Variants in VOPP1 observed in about 807,000 individuals in gnomAD.
VOPP1 encodes VOPP1 WW domain binding protein.
A neutral mutation model predicts 23.5 loss-of-function variants in VOPP1; 8 were observed. That is an observed-to-expected ratio of 0.34 (90% confidence interval 0.20 to 0.61). VOPP1 has a LOEUF of 0.61. VOPP1 is among the 20% of genes least tolerant of loss of function. The pLI, the probability that VOPP1 is intolerant of heterozygous loss-of-function variation, is 0.78. For synonymous variants in VOPP1, 83 were observed against 97.3 expected (o/e 0.85, Z 0.86); for missense variants, 174 against 238.1 (o/e 0.73, Z 1.77).
At chr7:55,456,900 T>C (rs927006792) in intron 4 of VOPP1, among the ~76,000 whole-genome samples, 6 of 152,218 alleles carry the variant, frequency 3.9e-5, no homozygotes, top group African/African-American at 1.4e-4. Flanking sequence ...TATACCTATG[T>C]GACAAACCTG....
At chr7:55,508,905 G>A (rs767611532) in intron 2 of VOPP1, among the ~76,000 whole-genome samples, 4 of 152,122 alleles carry the variant, frequency 2.6e-5, no homozygotes, top group Non-Finnish European at 4.4e-5. Flanking sequence ...TTAGCCAGAC[G>A]TGGTAGCATA....
At chr7:55,443,543 G>A (rs1402847114) in intron 4 of VOPP1, among the ~76,000 whole-genome samples, 5 of 151,996 alleles carry the variant, frequency 3.3e-5, no homozygotes, top group African/African-American at 1.2e-4. Flanking sequence ...AACAGAGAGA[G>A]ACTCTGTCTC....
In VOPP1 at chr7:55,452,491, CAGA is replaced by C. The variant is rs1486166540; in HGVS notation, n.418-16320_418-16318del. Among the ~76,000 whole-genome samples the C allele has an allele frequency of 3.3e-5, 5 of 152,262 alleles. No individual in the cohort carries two copies. The East Asian group carries it at 7.7e-4, about 24-fold the overall frequency. ...AGCATCTAGAATAGTAAATCCTTTC[CAGA>C]AGGTTTTCAATTTACTTTGCCCAGA... On this transcript the variant is annotated intron_variant and non_coding_transcript_variant, in intron 4 of 4. Coordinates refer to the VOPP1 transcript ENST00000462326.
chr7:55,487,181 C>T (rs1793207542), intron 4 of VOPP1, among the ~76,000 whole-genome samples: 1 of 152,170 alleles, frequency 6.6e-6, no homozygotes, highest in Admixed American at 6.5e-5. Context: ...CATTTTCTTG[C>T]AGTTGGTGTC....
At chr7:55,447,746 A>G (rs1414029766) in intron 4 of VOPP1, among the ~76,000 whole-genome samples, 2 of 152,144 alleles carry the variant, frequency 1.3e-5, no homozygotes, top group East Asian at 1.9e-4. Flanking sequence ...GCTATGTTTC[A>G]TATTTTCTCC....
At chr7:55,441,051 G>A (rs558323974) in intron 4 of VOPP1, among the ~76,000 whole-genome samples, 20 of 152,318 alleles carry the variant, frequency 1.3e-4, no homozygotes, top group Admixed American at 1.2e-3. Flanking sequence ...TATATGGAAA[G>A]CCTATATTCC....
intron 4 of VOPP1, among the ~76,000 whole-genome samples, chr7:55,463,430 GGAA>G (rs1791555480): frequency 6.6e-6 from 1 of 152,156 alleles, no homozygotes; most frequent in African/African-American, 2.4e-5. Context: ...GGCTTTCATA[GGAA>G]AAGACTTTTC....
chr7:55,483,817 A>C (rs1165709289), intron 4 of VOPP1, among the ~76,000 whole-genome samples: 4 of 152,216 alleles, frequency 2.6e-5, no homozygotes, highest in Non-Finnish European at 4.4e-5. Context: ...GGAGGGCAAC[A>C]GTGCGATCAG....
intron 1 of VOPP1, among the ~76,000 whole-genome samples, chr7:55,532,824 C>A (rs182805125): frequency 6.6e-6 from 1 of 152,284 alleles, no homozygotes; most frequent in East Asian, 1.9e-4. Context: ...AAATTTCACA[C>A]CCCCTCAATT....
intron 1 of VOPP1, among the ~76,000 whole-genome samples, chr7:55,564,564 A>T (rs1365938115): frequency 6.6e-6 from 1 of 152,162 alleles, no homozygotes; most frequent in East Asian, 1.9e-4. Flanking sequence ...TCACAATCAC[A>T]ATCTTGCTTT....
At chr7:55,521,572 C>T (rs1795858659) in intron 1 of VOPP1, 1 of 989,254 alleles carries the variant, frequency 1.0e-6, no homozygotes, top group South Asian at 4.6e-5. Context: ...AAGCCGCATT[C>T]CGACCTACGT....
chr7:55,442,811 G>A lies in VOPP1; in HGVS notation n.418-6637C>T, dbSNP rs146752077. On this transcript the variant is annotated intron_variant and non_coding_transcript_variant, in intron 4 of 4. Coordinates refer to the VOPP1 transcript ENST00000462326. The stretch of plus-strand genomic sequence containing the variant: ...GGTGAAGCTGCAAGAAAAACGACAC[G>A]GTTTCTTTGGAAAATAAAAAGCAGG... Among the ~76,000 whole-genome samples the A allele has an allele frequency of 3.0e-4, 45 of 152,256 alleles. 2 individuals are homozygous for A. Among genetic ancestry groups the A allele is most frequent in the South Asian group, 2.3e-3 (11 of 4,818 alleles).
chr7:55,568,620 C>T (rs1229798064), intron 1 of VOPP1, among the ~76,000 whole-genome samples: 1 of 152,146 alleles, frequency 6.6e-6, no homozygotes, highest in African/African-American at 2.4e-5. Context: ...CAGAGCCCTT[C>T]AAACAAATAC....
At chr7:55,536,629 A>C (rs187186145) in intron 1 of VOPP1, among the ~76,000 whole-genome samples, 1 of 152,314 alleles carries the variant, frequency 6.6e-6, no homozygotes, top group Non-Finnish European at 1.5e-5. Context: ...GTGTCTCTCA[A>C]AACATTTTCC....
At chr7:55,558,387 T>G (rs559696320) in intron 1 of VOPP1, among the ~76,000 whole-genome samples, 7 of 152,326 alleles carry the variant, frequency 4.6e-5, no homozygotes, top group Non-Finnish European at 1.0e-4. Context: ...AGAATGAATT[T>G]TAAGAAAAAG....
intron 2 of VOPP1, among the ~76,000 whole-genome samples, chr7:55,519,754 C>T (rs1266771766): frequency 1.3e-5 from 2 of 152,172 alleles, no homozygotes; most frequent in Admixed American, 1.3e-4. Context: ...ACCAAGATGA[C>T]GAACATGGCC....
At chr7:55,564,977 T>C (rs375885447) in intron 1 of VOPP1, among the ~76,000 whole-genome samples, 2 of 152,312 alleles carry the variant, frequency 1.3e-5, no homozygotes, top group African/African-American at 2.4e-5. Context: ...AAGCAAGCAA[T>C]TGATCGATTT....
intron 2 of VOPP1, among the ~76,000 whole-genome samples, chr7:55,510,225 T>C (rs746143272): frequency 6.6e-6 from 1 of 152,250 alleles, no homozygotes; most frequent in Non-Finnish European, 1.5e-5. Flanking sequence ...AAGACATAAG[T>C]GATTAACTTC....
intron 4 of VOPP1, among the ~76,000 whole-genome samples, chr7:55,456,169 C>T (rs1306255372): frequency 1.3e-5 from 2 of 152,258 alleles, no homozygotes; most frequent in South Asian, 2.1e-4. Context: ...CAAAAGAAGA[C>T]ATTTATGCAG....
Sources: allele counts gnomAD v4.1 joint callset (sites outside exome capture counted in the v4.1 genomes callset), GRCh38; gene constraint gnomAD v4.1.1; transcripts MANE v1.5; gene names NCBI Gene and HGNC (gene_info 2026-07-23, HGNC 2026-07-21).